Variants in NRG1 observed in about 807,000 individuals in gnomAD.
NRG1 encodes neuregulin 1, also known as pro-neuregulin-1, membrane-bound isoform.
Under a neutral mutation model 63.8 loss-of-function variants are expected in NRG1, and 18 were observed. The observed-to-expected ratio is 0.28, with a 90% confidence interval of 0.19 to 0.42. NRG1 has a LOEUF of 0.42. Ranked by LOEUF, NRG1 falls within the 10% of genes least tolerant of loss-of-function variation. NRG1 has a pLI of 1.00. For missense variants in NRG1, 762 were observed against 814.7 expected, an observed-to-expected ratio of 0.94 and a Z score of 0.79; for synonymous variants, 302 against 301.3, an observed-to-expected ratio of 1.00 and a Z score of -0.02.
At chr8:32,555,760 C>T (rs936199358) in intron 1 of NRG1, among the ~76,000 whole-genome samples, 1 of 152,204 alleles carries the variant, frequency 6.6e-6, no homozygotes, top group South Asian at 2.1e-4. Context: ...CGTGAGCCAC[C>T]GCGCCCGGCG....
In NRG1 at chr8:32,754,480, C is replaced by T; in HGVS notation, c.794+6C>T. The T allele has an allele frequency of 6.2e-7, 1 of 1,612,856 alleles. No individual in the cohort carries two copies. The highest frequency in any genetic ancestry group is 8.5e-7 in the Non-Finnish European group (1 of 1,179,264). ...GTGGCCTACTGCAAAACCAAGTAAACCTTCTTTCTCCATGCCTTTCTCTCT... is the reference window on the plus strand; with the variant it reads ...GTGGCCTACTGCAAAACCAAGTAAATCTTCTTTCTCCATGCCTTTCTCTCT... On this transcript the variant is annotated splice_donor_region_variant and intron_variant, in intron 8 of 11. Coordinates refer to ENST00000356819, the Ensembl canonical transcript of NRG1.
At chr8:32,304,208 C>A (rs538462311) in intron 1 of NRG1, among the ~76,000 whole-genome samples, 18 of 152,262 alleles carry the variant, frequency 1.2e-4, no homozygotes, top group African/African-American at 3.9e-4. Flanking sequence ...TTAAAATCAT[C>A]TAGAAATCTT....
At chr8:32,276,837 G>T (rs1298702440) in intron 1 of NRG1, among the ~76,000 whole-genome samples, 3 of 152,212 alleles carry the variant, frequency 2.0e-5, no homozygotes, top group African/African-American at 7.2e-5. Context: ...GAGATAACTG[G>T]AGTAGTCTGG....
intron 1 of NRG1, among the ~76,000 whole-genome samples, chr8:32,133,674 G>A: frequency 6.6e-6 from 1 of 152,034 alleles, no homozygotes; most frequent in East Asian, 1.9e-4. Flanking sequence ...TTTATGAAAA[G>A]GCCCATGGAT....
intron 5 of NRG1, among the ~76,000 whole-genome samples, chr8:32,662,651 A>G (rs1385263144): frequency 6.6e-6 from 1 of 152,308 alleles, no homozygotes; most frequent in African/African-American, 2.4e-5. Flanking sequence ...GTAGGAGGGA[A>G]TGTAAAGACA....
chr8:32,493,283 C>A (rs1826813509), intron 1 of NRG1, among the ~76,000 whole-genome samples: 1 of 152,032 alleles, frequency 6.6e-6, no homozygotes, highest in Admixed American at 6.6e-5. Flanking sequence ...GTTCTGAGGC[C>A]CCTAAGAAGA....
chr8:31,930,708 C>T (rs931964791), intron 1 of NRG1, among the ~76,000 whole-genome samples: 1 of 152,064 alleles, frequency 6.6e-6, no homozygotes, highest in African/African-American at 2.4e-5. Context: ...TTTTATAATT[C>T]CCTGAATTTT....
chr8:32,041,321 G>A (rs141523806), intron 1 of NRG1, among the ~76,000 whole-genome samples: 1 of 152,200 alleles, frequency 6.6e-6, no homozygotes, highest in Non-Finnish European at 1.5e-5. Context: ...CCTTAGTGAG[G>A]TTCCAGCTTT....
intron 5 of NRG1, chr8:32,647,579 C>T (rs1157759293): frequency 7.2e-7 from 1 of 1,390,088 alleles, no homozygotes; most frequent in African/African-American, 1.4e-5. Flanking sequence ...TTTCTGAACT[C>T]TTCTTGATTT....
At chr8:32,385,378 A>G (rs552446165) in intron 1 of NRG1, among the ~76,000 whole-genome samples, 2 of 152,244 alleles carry the variant, frequency 1.3e-5, no homozygotes, top group South Asian at 4.1e-4. Context: ...AAAACAACCA[A>G]CAGCAAATAA....
chr8:32,483,921 G>A (rs1587908337), intron 1 of NRG1, among the ~76,000 whole-genome samples: 1 of 152,072 alleles, frequency 6.6e-6, no homozygotes, highest in Non-Finnish European at 1.5e-5. Context: ...TGGCTAACAT[G>A]GTGAAAACCC....
chr8:32,632,412 G>C (rs1850498222), intron 5 of NRG1, among the ~76,000 whole-genome samples: 1 of 152,124 alleles, frequency 6.6e-6, no homozygotes. Context: ...AGCCGGGCGT[G>C]GTGGTGCATG....
At chr8:32,326,563 A>G (rs1802054001) in intron 1 of NRG1, among the ~76,000 whole-genome samples, 1 of 152,008 alleles carries the variant, frequency 6.6e-6, no homozygotes, top group Non-Finnish European at 1.5e-5. Context: ...AGCCTCAAGC[A>G]ATCAATCTAT....
intron 1 of NRG1, among the ~76,000 whole-genome samples, chr8:32,563,490 C>A (rs1178438593): frequency 6.6e-6 from 1 of 152,082 alleles, no homozygotes; most frequent in Admixed American, 6.5e-5. Flanking sequence ...AGTGCAGAAG[C>A]CTTTTATTAA....
chr8:32,273,246 C>T (rs1851732541), intron 1 of NRG1, among the ~76,000 whole-genome samples: 1 of 152,008 alleles, frequency 6.6e-6, no homozygotes, highest in Admixed American at 6.6e-5. Flanking sequence ...CTTTTCTGGT[C>T]CAAAAGCTCA....
intron 1 of NRG1, among the ~76,000 whole-genome samples, chr8:32,237,802 G>C (rs976182992): frequency 1.3e-5 from 2 of 151,882 alleles, no homozygotes; most frequent in African/African-American, 4.8e-5. Flanking sequence ...TTTTTGACTT[G>C]GGCTTGGACT....
chr8:31,678,560 T>C (rs1173529550), intron 1 of NRG1, among the ~76,000 whole-genome samples: 2 of 151,940 alleles, frequency 1.3e-5, no homozygotes, highest in Non-Finnish European at 2.9e-5. Context: ...GCTTTTTCCA[T>C]ATATATTTTT....
intron 1 of NRG1, among the ~76,000 whole-genome samples, chr8:31,778,056 G>A (rs930321503): frequency 6.6e-6 from 1 of 152,210 alleles, no homozygotes; most frequent in Non-Finnish European, 1.5e-5. Flanking sequence ...CCCAAGGTGA[G>A]TTGGGATTCA....
At chr8:32,081,015 A>C (rs1827384306) in intron 1 of NRG1, among the ~76,000 whole-genome samples, 1 of 152,056 alleles carries the variant, frequency 6.6e-6, no homozygotes, top group Admixed American at 6.6e-5. Context: ...CAGATCTTCA[A>C]CCGATTGAAT....
Sources: allele counts gnomAD v4.1 joint callset (sites outside exome capture counted in the v4.1 genomes callset), GRCh38; gene constraint gnomAD v4.1.1; transcripts MANE v1.5; gene names NCBI Gene and HGNC (gene_info 2026-07-23, HGNC 2026-07-21).